Variants in CYP2B6 observed in about 807,000 individuals in gnomAD.
CYP2B6 encodes the protein cytochrome P450 family 2 subfamily B member 6, also known as cytochrome P450 2B6.
In CYP2B6, 35 loss-of-function variants were observed where a neutral mutation model predicts 43.4. The observed-to-expected ratio is 0.81, with a 90% CI of 0.62 to 1.07. The LOEUF (loss-of-function observed/expected upper bound fraction) is 1.07. Ranked by LOEUF, CYP2B6 falls within the 50% of genes least tolerant of loss-of-function variation. CYP2B6 has a pLI of 0.00. For missense variants in CYP2B6, 624 were observed against 632.8 expected (o/e 0.99, Z 0.15); for synonymous variants, 239 against 239.2 (o/e 1.00, Z 0.01).
intron 4 of CYP2B6, among the ~76,000 whole-genome samples, chr19:41,008,370 C>A (rs1362883420): frequency 6.9e-6 from 1 of 143,968 alleles, no homozygotes; most frequent in Non-Finnish European, 1.5e-5. Context: ...CGCCACCACA[C>A]CCAGCTAATT....
intron 1 of CYP2B6, among the ~76,000 whole-genome samples, chr19:41,001,407 A>C (rs1290559800): frequency 7.9e-5 from 12 of 152,090 alleles, no homozygotes; most frequent in Admixed American, 7.9e-4. Flanking sequence ...GGAGGGCATG[A>C]GCAAGTGTGC....
At chr19:40,998,306 C>T (rs1384721284) in intron 1 of CYP2B6, among the ~76,000 whole-genome samples, 3 of 152,092 alleles carry the variant, frequency 2.0e-5, no homozygotes, top group Admixed American at 1.3e-4. Flanking sequence ...TATCCCACTG[C>T]CCGCTTTCTT....
Position 41,009,265 on chromosome 19 carries a change from A to G in CYP2B6, c.692A>G (p.His231Arg), listed in dbSNP as rs1969240377. ...SGFLKYFPGA[H>R]RQVYKNLQEI... Reference sequence around the variant, plus strand: ...TTCTTGAAATACTTTCCTGGGGCACACAGGCAAGTTTACAAAAACCTGCAG... The same window carrying G: ...TTCTTGAAATACTTTCCTGGGGCACGCAGGCAAGTTTACAAAAACCTGCAG... The change falls in exon 5 of 9, where the codon CAC (histidine) becomes CGC (arginine). Residue 231 changes from histidine (H) to arginine (R), a missense_variant. By Grantham distance (29) the His-to-Arg change is conservative. Coordinates refer to ENST00000324071, the MANE Select transcript of CYP2B6 (RefSeq NM_000767.5). The G allele has an allele frequency of 1.2e-6, 2 of 1,612,858 alleles. No individual in the cohort carries two copies. The highest frequency in any genetic ancestry group is 3.3e-5 in the Admixed American group (2 of 59,856).
intron 7 of CYP2B6, 48 bp from the exon 8 acceptor site, chr19:41,012,626 G>C: frequency 6.2e-7 from 1 of 1,612,970 alleles, no homozygotes; most frequent in Non-Finnish European, 8.5e-7. Flanking sequence ...AGTGTGTGGA[G>C]GGTTGGAGGG....
intron 4 of CYP2B6, among the ~76,000 whole-genome samples, chr19:41,007,947 C>G (rs1969219617): frequency 6.6e-6 from 1 of 151,978 alleles, no homozygotes; most frequent in African/African-American, 2.4e-5. Context: ...CTTCTGTATC[C>G]TTGCTTCTCA....
At chr19:41,013,026 C>T in intron 8 of CYP2B6, 7 of 621,100 alleles carry the variant, frequency 1.1e-5, no homozygotes, top group Middle Eastern at 2.7e-4. Flanking sequence ...CAAGCAGGAC[C>T]TTGGGCAAGT....
intron 8 of CYP2B6, among the ~76,000 whole-genome samples, chr19:41,015,366 T>C (rs913281286): frequency 2.2e-4 from 34 of 152,302 alleles, no homozygotes; most frequent in African/African-American, 8.2e-4. Flanking sequence ...TCACCCACCT[T>C]CTGGGTATGC....
chr19:41,007,271 T>C (rs1386409822), intron 4 of CYP2B6: 22 of 586,256 alleles, frequency 3.8e-5, no homozygotes, highest in East Asian at 1.1e-4. Flanking sequence ...GAATGAGGCG[T>C]GATGGGGAGG....
intron 1 of CYP2B6, 49 bp downstream of exon 1, chr19:40,991,525 G>A (rs1368483163): frequency 6.2e-7 from 1 of 1,603,324 alleles, no homozygotes; most frequent in Non-Finnish European, 8.5e-7. Context: ...TCTTGCCTTG[G>A]TACTTGGGGA....
chr19:40,998,029 T>A (rs1969022973), intron 1 of CYP2B6, among the ~76,000 whole-genome samples: 1 of 151,950 alleles, frequency 6.6e-6, no homozygotes, highest in South Asian at 2.1e-4. Context: ...TTGAGCCTTG[T>A]AGTTTGAGGC....
intron 8 of CYP2B6, among the ~76,000 whole-genome samples, chr19:41,014,572 T>C (rs754711146): frequency 2.0e-5 from 3 of 152,180 alleles, no homozygotes; most frequent in African/African-American, 7.2e-5. Flanking sequence ...CTGAAAGTCC[T>C]GGGATTACAG....
Position 41,012,297 on chromosome 19 carries a change from G to A in CYP2B6, c.965-1G>A, listed in dbSNP as rs1969296795. Reference sequence around the variant, plus strand: ...ATTCATTGGTCTTCTTTTCTGTACAGAGAGAGTCTACAGGGAGATTGAACA... The same window carrying A: ...ATTCATTGGTCTTCTTTTCTGTACAAAGAGAGTCTACAGGGAGATTGAACA... On this transcript the variant is annotated splice_acceptor_variant, in intron 6 of 8. Coordinates refer to ENST00000324071, the MANE Select transcript of CYP2B6 (RefSeq NM_000767.5). LOFTEE classifies it high-confidence loss of function. 6.2e-7 allele frequency: 1 copy of A among 1,613,952 alleles called. No individual in the cohort carries two copies. The highest frequency in any genetic ancestry group is 1.7e-4 in the Middle Eastern group (1 of 6,060).
Position 41,009,975 on chromosome 19 carries a change from T to C in CYP2B6, c.823-19T>C, listed in dbSNP as rs1969254818. The C allele has an allele frequency of 6.2e-7, 1 of 1,613,942 alleles. No homozygotes were observed. Among genetic ancestry groups the C allele is most frequent in the Non-Finnish European group, 8.5e-7 (1 of 1,179,936 alleles). ...CAGCCTCCCCTGACCCTCCCCTTCC[T>C]TCCCTACTGTGGACGCAGGAGAAAT... On this transcript the variant is annotated intron_variant, in intron 5 of 8. Coordinates refer to ENST00000324071, the MANE Select transcript of CYP2B6 (RefSeq NM_000767.5).
chr19:41,003,838 C>A (rs531203043), intron 1 of CYP2B6, 163 bp from the exon 2 acceptor site: 3 of 906,048 alleles, frequency 3.3e-6, no homozygotes, highest in African/African-American at 1.6e-5. Context: ...CAGCGTTAAC[C>A]ATTAACCCTT....
intron 8 of CYP2B6, among the ~76,000 whole-genome samples, chr19:41,015,338 C>A (rs192368661): frequency 7.2e-5 from 11 of 152,286 alleles, no homozygotes; most frequent in African/African-American, 2.6e-4. Flanking sequence ...CAGAGACCTG[C>A]CTGTTTCTAA....
chr19:41,010,558 C>T lies in CYP2B6; in HGVS notation c.964+423C>T, dbSNP rs566429492. On this transcript the variant is annotated intron_variant, in intron 6 of 8. Coordinates refer to ENST00000324071, the MANE Select transcript of CYP2B6 (RefSeq NM_000767.5). ...CTTCCCGAGTAGCTGGAACTACAGG[C>T]GCCTGCCACCACACCCGGCTAATTT... Among the ~76,000 whole-genome samples the T allele has an allele frequency of 3.9e-5, 6 of 151,944 alleles. No individual in the cohort carries two copies. The East Asian group carries it at 7.7e-4, about 20-fold the overall frequency.
chr19:41,012,838 T>C (rs931908912), intron 8 of CYP2B6, 23 bp downstream of exon 8: 1 of 1,613,758 alleles, frequency 6.2e-7, no homozygotes, highest in African/African-American at 1.3e-5. Flanking sequence ...CACAATTTCT[T>C]TCCCAGACAC....
At chr19:41,002,458 G>A (rs147707961) in intron 1 of CYP2B6, among the ~76,000 whole-genome samples, 206 of 152,152 alleles carry the variant, frequency 1.4e-3, no homozygotes, top group African/African-American at 4.7e-3. Flanking sequence ...AGAATGCCCC[G>A]AAACCCTGCA....
rs1476043064 is a variant in CYP2B6 at position 41,017,763 on chromosome 19, CTT to C, written c.*940_*941del. 1 of 152,204 alleles carries C rather than the reference CTT, an allele frequency of 6.6e-6. No homozygotes were observed. Among genetic ancestry groups the C allele is most frequent in the African/African-American group, 2.4e-5 (1 of 41,434 alleles). 9.4% of individuals were successfully genotyped at this position (152,204 alleles called of 1,614,324 possible). A position where few individuals can be genotyped will look rare whatever the true frequency, so the allele number is the denominator to read the frequency against. On this transcript the variant is annotated 3_prime_UTR_variant, in exon 9 of 9. Transcript: ENST00000324071. ...GCTGTCACTCCCCATACCCCATTCTCTTTTTCATCTCGGCCCCTGTCAATCTG... is the reference window on the plus strand; with the variant it reads ...GCTGTCACTCCCCATACCCCATTCTCTTTCATCTCGGCCCCTGTCAATCTG...
Sources: gnomAD v4.1 joint callset for allele counts (sites outside exome capture counted in the v4.1 genomes callset) on GRCh38, gnomAD v4.1.1 for gene constraint, MANE v1.5 for transcripts, NCBI Gene and HGNC (gene_info 2026-07-23, HGNC 2026-07-21) for gene names.